The following DHCR24 variants were observed in gnomAD, a reference collection of about 807,000 sequenced individuals.
DHCR24 encodes 24-dehydrocholesterol reductase, also known as delta(24)-sterol reductase.
Under a neutral mutation model 61.2 loss-of-function variants are expected in DHCR24, and 28 were observed. The ratio of observed to expected loss-of-function variants is 0.46; its 90% CI spans 0.34 to 0.63. The LOEUF is 0.63. Ranked by LOEUF, DHCR24 falls within the 20% of genes least tolerant of loss-of-function variation. DHCR24 has a pLI of 0.01. For synonymous variants in DHCR24, 261 were observed against 275.9 expected, an observed-to-expected ratio of 0.95 and a Z score of 0.54; for missense variants, 538 against 679.1, an observed-to-expected ratio of 0.79 and a Z score of 2.31.
At chr1:54,857,187 T>C (rs1646912163) in intron 6 of DHCR24, among the ~76,000 whole-genome samples, 1 of 152,278 alleles carries the variant, frequency 6.6e-6, no homozygotes, top group Non-Finnish European at 1.5e-5. Flanking sequence ...TGTGGCTTAG[T>C]GACCTGGGAT....
chr1:54,855,108 G>T (rs1273319162), intron 6 of DHCR24, among the ~76,000 whole-genome samples: 1 of 152,126 alleles, frequency 6.6e-6, no homozygotes, highest in Non-Finnish European at 1.5e-5. Context: ...TCATTAAACA[G>T]TTCTGGCCAG....
At chr1:54,867,672 A>G (rs1217115534) in intron 5 of DHCR24, among the ~76,000 whole-genome samples, 1 of 152,122 alleles carries the variant, frequency 6.6e-6, no homozygotes. Flanking sequence ...ATCCCTCCTC[A>G]GCTTTCCTAC....
chr1:54,857,002 T>C (rs1646911253), intron 6 of DHCR24, among the ~76,000 whole-genome samples: 1 of 150,880 alleles, frequency 6.6e-6, no homozygotes, highest in Admixed American at 6.7e-5. Flanking sequence ...TTAGACTGTA[T>C]CACACTGTGA....
intron 2 of DHCR24, among the ~76,000 whole-genome samples, chr1:54,879,158 A>G (rs1297421573): frequency 1.3e-5 from 2 of 152,056 alleles, no homozygotes; most frequent in Non-Finnish European, 2.9e-5. Flanking sequence ...GTCTACTAAA[A>G]ATACAAAAAA....
chr1:54,884,460 G>A (rs1181654092), intron 1 of DHCR24, among the ~76,000 whole-genome samples: 5 of 152,194 alleles, frequency 3.3e-5, no homozygotes, highest in Non-Finnish European at 5.9e-5. Flanking sequence ...CCAATGGAAG[G>A]AAGAGGTTTT....
At chr1:54,878,657 G>C (rs943623763) in intron 2 of DHCR24, among the ~76,000 whole-genome samples, 1 of 151,194 alleles carries the variant, frequency 6.6e-6, no homozygotes, top group African/African-American at 2.4e-5. Flanking sequence ...TACTCAAAAT[G>C]ATCTTGCCTC....
chr1:54,883,811 G>C lies in DHCR24; in HGVS notation c.232-38C>G, dbSNP rs1647077390. ...GACAGAGGGTGAGCTGGCCCCACTG[G>C]GAATCCCCAGAGCAGCCTGCAGCCC... On this transcript the variant is annotated intron_variant, in intron 1 of 8. Transcript: ENST00000371269. The surrounding 1 kb of genome is among the most constrained non-coding windows in gnomAD (Gnocchi z 4.3). 1 of 1,612,924 alleles carries C rather than the reference G, an allele frequency of 6.2e-7. No individual in the cohort carries two copies. Among genetic ancestry groups the C allele is most frequent in the Non-Finnish European group, 8.5e-7 (1 of 1,179,974 alleles).
chr1:54,886,511 C>T, intron 1 of DHCR24: 1 of 1,027,956 alleles, frequency 9.7e-7, no homozygotes, highest in South Asian at 1.3e-5. Flanking sequence ...GTCCCTCCAC[C>T]CACACACCTT....
intron 2 of DHCR24, among the ~76,000 whole-genome samples, chr1:54,876,621 T>C (rs1338773854): frequency 6.6e-6 from 1 of 151,800 alleles, no homozygotes; most frequent in Admixed American, 6.5e-5. Context: ...GCCACTGCAC[T>C]CCAGCCTAGG....
intron 5 of DHCR24, among the ~76,000 whole-genome samples, chr1:54,867,687 G>T (rs1236299779): frequency 6.6e-6 from 1 of 152,116 alleles, no homozygotes; most frequent in African/African-American, 2.4e-5. Flanking sequence ...TCCTACCCCT[G>T]AGAGCCTCAA....
In DHCR24 at chr1:54,887,064, C is replaced by T. The variant is rs1557442250; in HGVS notation, c.56G>A (p.Arg19His). The change falls in exon 1 of 9, where the codon CGC becomes CAC. Residue 19 changes from arginine (R) to histidine (H), a missense_variant. Physicochemically the swap from Arg to His is conservative, Grantham distance 29 (BLOSUM62 0). Coordinates refer to ENST00000371269, the MANE Select transcript of DHCR24 (RefSeq NM_014762.4). ...VCALLFLLWV[R>H]LKGLEFVLIH... ...GAGCACGAACTCCAGCCCCTTCAGG[C>T]GCACCCACAGCAGGAAGAGCAGCGC... The T allele has an allele frequency of 6.2e-7, 1 of 1,611,024 alleles. No homozygotes were observed. The highest frequency in any genetic ancestry group is 8.5e-7 in the Non-Finnish European group (1 of 1,178,776).
rs750059090 is a variant in DHCR24 at position 54,871,358 on chromosome 1, G to A, written c.868C>T (p.Pro290Ser). 10 of 1,614,076 alleles carry A rather than the reference G, an allele frequency of 6.2e-6. No individual in the cohort carries two copies. Among genetic ancestry groups the A allele is most frequent in the Non-Finnish European group, 6.8e-6 (8 of 1,180,020 alleles). ...MTGVMTDEAEPSKLNSIGNYY... is the reference protein window; with the variant it reads ...MTGVMTDEAESSKLNSIGNYY... ...CTGACACCCTGGCTTACCTTGCTGG[G>A]CTCTGCCTCATCTGTCATGACCCCT... Residue 290 changes from proline (P) to serine (S), a missense_variant, in exon 5 of 9, where the codon CCC (proline) becomes TCC (serine). Pro to Ser is a moderately conservative substitution (Grantham distance 74). Coordinates refer to ENST00000371269, the MANE Select transcript of DHCR24 (RefSeq NM_014762.4).
chr1:54,855,373 G>A (rs1298341498), intron 6 of DHCR24, among the ~76,000 whole-genome samples: 1 of 146,848 alleles, frequency 6.8e-6, no homozygotes, highest in African/African-American at 2.5e-5. Context: ...CAGTGTGGGC[G>A]ACAGAGTGAG....
Position 54,876,061 on chromosome 1 carries a change from A to AC in DHCR24, c.388-15_388-14insG. 1 of 1,608,746 alleles carries AC rather than the reference A, an allele frequency of 6.2e-7. No individual in the cohort carries two copies. The highest frequency in any genetic ancestry group is 8.5e-7 in the Non-Finnish European group (1 of 1,175,162). Reference sequence around the variant, plus strand: ...CACACGGACAATCTGTTGACACAAGAAAAGAGACCCTGGGTCAAAAGGAGG... The same window carrying AC: ...CACACGGACAATCTGTTGACACAAGACAAAGAGACCCTGGGTCAAAAGGAGG... On this transcript the variant is annotated splice_polypyrimidine_tract_variant and intron_variant, in intron 2 of 8. Coordinates refer to ENST00000371269, the MANE Select transcript of DHCR24 (RefSeq NM_014762.4).
intron 4 of DHCR24, among the ~76,000 whole-genome samples, chr1:54,873,580 C>A (rs538161595): frequency 6.6e-6 from 1 of 152,296 alleles, no homozygotes; most frequent in East Asian, 1.9e-4. Context: ...TCCAGTGGGA[C>A]AAGATGCGGA....
chr1:54,875,926 A>C lies in DHCR24; in HGVS notation c.493+16T>G. The C allele has an allele frequency of 6.2e-7, 1 of 1,606,884 alleles. No homozygotes were observed. The highest frequency in any genetic ancestry group is 1.1e-5 in the South Asian group (1 of 90,936). ...GACCGTGTGTCTCTTCTTGCCCGTT[A>C]ATATAGGGTCCTCACCCACTGTGAG... On this transcript the variant is annotated intron_variant, in intron 3 of 8. Transcript: ENST00000371269.
intron 2 of DHCR24, among the ~76,000 whole-genome samples, chr1:54,879,850 A>C (rs915572995): frequency 7.2e-5 from 11 of 152,178 alleles, no homozygotes; most frequent in African/African-American, 2.7e-4. Flanking sequence ...GCTGCCTCTA[A>C]AACAGTGCTT....
At chr1:54,860,153 T>G (rs972994610) in intron 6 of DHCR24, among the ~76,000 whole-genome samples, 7 of 152,194 alleles carry the variant, frequency 4.6e-5, no homozygotes, top group African/African-American at 1.7e-4. Context: ...AATCACCCTC[T>G]CCTAGAAGCC....
In DHCR24 at chr1:54,859,781, C is replaced by A. The variant is rs753242946; in HGVS notation, c.1020+5522G>T. On this transcript the variant is annotated intron_variant, in intron 6 of 8. Transcript: ENST00000371269. ...GGTTGTTGGGAAGATGAAGATAATG[C>A]GTGGAAAGTGTTCAGCATTAACGTC... Among the ~76,000 whole-genome samples, 196 of 152,294 alleles carry A rather than the reference C, an allele frequency of 1.3e-3. 1 individual carries two copies. The highest frequency in any genetic ancestry group is 2.5e-3 in the Non-Finnish European group (170 of 68,030).
Sources: allele counts gnomAD v4.1 joint callset (sites outside exome capture counted in the v4.1 genomes callset), GRCh38; gene constraint gnomAD v4.1.1; non-coding constraint Gnocchi (gnomAD v3.1); transcripts MANE v1.5; gene names NCBI Gene and HGNC (gene_info 2026-07-23, HGNC 2026-07-21).